Variants in GRIK3 observed in about 807,000 individuals in gnomAD.
GRIK3 encodes glutamate ionotropic receptor kainate type subunit 3.
A neutral mutation model predicts 102.5 loss-of-function variants in GRIK3; 29 were observed. The observed-to-expected ratio is 0.28, with a 90% CI of 0.21 to 0.39. The LOEUF is 0.39. Ranked by LOEUF, GRIK3 falls within the 10% of genes least tolerant of loss-of-function variation. The pLI is 1.00. For missense variants in GRIK3, 908 were observed against 1,252.4 expected (o/e 0.73, Z 4.15); for synonymous variants, 511 against 504.9 (o/e 1.01, Z -0.16).
At chr1:36,886,276 T>TC (rs1557714001) in intron 2 of GRIK3, among the ~76,000 whole-genome samples, 1 of 151,698 alleles carries the variant, frequency 6.6e-6, no homozygotes, top group Admixed American at 6.6e-5. Flanking sequence ...CTGTGTCCCC[T>TC]CCCCCCACAG....
chr1:36,914,384 C>T (rs913599463), intron 1 of GRIK3, among the ~76,000 whole-genome samples: 2 of 152,170 alleles, frequency 1.3e-5, no homozygotes, highest in African/African-American at 4.8e-5. Flanking sequence ...CAAGGTTGAG[C>T]AGGTTTCTTT....
At chr1:36,809,333 A>G (rs1248332489) in intron 13 of GRIK3, among the ~76,000 whole-genome samples, 1 of 151,812 alleles carries the variant, frequency 6.6e-6, no homozygotes, top group South Asian at 2.1e-4. Flanking sequence ...TTACTTATCT[A>G]TCCATCCATT....
chr1:36,855,059 C>T (rs1640635025), intron 7 of GRIK3, among the ~76,000 whole-genome samples: 1 of 152,162 alleles, frequency 6.6e-6, no homozygotes, highest in South Asian at 2.1e-4. Flanking sequence ...ACAAGGCCCA[C>T]ACATCCTGGA....
intron 1 of GRIK3, among the ~76,000 whole-genome samples, chr1:36,985,077 C>T (rs1642290217): frequency 6.6e-6 from 1 of 152,124 alleles, no homozygotes; most frequent in African/African-American, 2.4e-5. Context: ...AAAACGGGAT[C>T]ATCCCTACGG....
chr1:37,001,428 C>G (rs1213482051), intron 1 of GRIK3, among the ~76,000 whole-genome samples: 1 of 152,140 alleles, frequency 6.6e-6, no homozygotes, highest in Non-Finnish European at 1.5e-5. Context: ...CAGCCAATTC[C>G]CCTGGCAGGA....
chr1:36,853,476 C>A, intron 8 of GRIK3, 139 bp downstream of exon 8: 1 of 631,358 alleles, frequency 1.6e-6, no homozygotes. Flanking sequence ...CTACAGGCTA[C>A]ACTGGACCAA....
intron 8 of GRIK3, among the ~76,000 whole-genome samples, chr1:36,853,128 C>T (rs1047732311): frequency 1.3e-5 from 2 of 152,194 alleles, no homozygotes; most frequent in Admixed American, 6.5e-5. Flanking sequence ...CTTCAGTCTC[C>T]CAGACAAGCA....
At chr1:36,833,720 G>A (rs991434738) in intron 10 of GRIK3, among the ~76,000 whole-genome samples, 3 of 152,290 alleles carry the variant, frequency 2.0e-5, no homozygotes, top group Non-Finnish European at 2.9e-5. Flanking sequence ...AGATCTTCCC[G>A]TCACACCTGC....
chr1:36,969,637 T>C (rs1336295064), intron 1 of GRIK3, among the ~76,000 whole-genome samples: 1 of 151,862 alleles, frequency 6.6e-6, no homozygotes, highest in Non-Finnish European at 1.5e-5. Flanking sequence ...GAGGAAAGAG[T>C]CACTATTTTC....
At chr1:36,955,025 G>T (rs1641889144) in intron 1 of GRIK3, among the ~76,000 whole-genome samples, 1 of 152,226 alleles carries the variant, frequency 6.6e-6, no homozygotes, top group African/African-American at 2.4e-5. Context: ...TACATTGGAT[G>T]GTGGTGCTAT....
intron 1 of GRIK3, among the ~76,000 whole-genome samples, chr1:36,958,155 C>CCGAGTCTGTGTGCCCTGTGAGTCTG (rs1641947294): frequency 7.8e-6 from 1 of 127,778 alleles, no homozygotes; most frequent in South Asian, 2.7e-4. Flanking sequence ...ACTCTGTGCC[C>CCGAGTCTGTGTGCCCTGTGAGTCTG]TGAGTCTGTG....
At chr1:36,950,970 G>T (rs998382590) in intron 1 of GRIK3, among the ~76,000 whole-genome samples, 1 of 152,230 alleles carries the variant, frequency 6.6e-6, no homozygotes, top group Non-Finnish European at 1.5e-5. Flanking sequence ...GCAGACTGGG[G>T]CCCCAGGTTT....
intron 1 of GRIK3, among the ~76,000 whole-genome samples, chr1:37,010,364 G>A (rs1642581369): frequency 6.6e-6 from 1 of 152,154 alleles, no homozygotes; most frequent in African/African-American, 2.4e-5. Context: ...TAAATAAGAG[G>A]TAATGTCTAC....
At chr1:36,847,311 A>G (rs1026811910) in intron 9 of GRIK3, among the ~76,000 whole-genome samples, 1 of 152,224 alleles carries the variant, frequency 6.6e-6, no homozygotes, top group Admixed American at 6.5e-5. Flanking sequence ...AAACACAACT[A>G]TAAGAAGCAG....
intron 14 of GRIK3, among the ~76,000 whole-genome samples, 168 bp downstream of exon 14, chr1:36,805,936 C>CAAAAAAAAAAAAAAAAAAAAA (rs749853809): frequency 1.7e-3 from 53 of 31,488 alleles, no homozygotes; most frequent in South Asian, 2.4e-3. Context: ...AACTCCACCT[C>CAAAAAAAAAAAAAAAAAAAAA]AAAAAAAAAA....
chr1:36,948,333 A>G (rs945156693), intron 1 of GRIK3, among the ~76,000 whole-genome samples: 1 of 152,224 alleles, frequency 6.6e-6, no homozygotes, highest in Non-Finnish European at 1.5e-5. Context: ...GGAGAGGCCT[A>G]CTACGTGCCA....
At chr1:37,009,743 A>G (rs932873691) in intron 1 of GRIK3, among the ~76,000 whole-genome samples, 7 of 152,184 alleles carry the variant, frequency 4.6e-5, no homozygotes, top group African/African-American at 1.2e-4. Context: ...TCCATAATGC[A>G]TCGCATCATA....
intron 13 of GRIK3, among the ~76,000 whole-genome samples, chr1:36,815,627 C>T (rs747301068): frequency 3.3e-5 from 5 of 152,208 alleles, no homozygotes; most frequent in Non-Finnish European, 7.3e-5. Context: ...AACAGTGGTT[C>T]TCCAAGCACA....
At chr1:36,816,634 T>G (rs1270997825) in intron 13 of GRIK3, among the ~76,000 whole-genome samples, 1 of 152,200 alleles carries the variant, frequency 6.6e-6, no homozygotes. Context: ...CTCTCAAGAT[T>G]TGGCCCTGCT....
Sources: gnomAD v4.1 joint callset for allele counts (sites outside exome capture counted in the v4.1 genomes callset) on GRCh38, gnomAD v4.1.1 for gene constraint, MANE v1.5 for transcripts, NCBI Gene and HGNC (gene_info 2026-07-23, HGNC 2026-07-21) for gene names.